DCDC1: variants seen among roughly 807,000 people sequenced by gnomAD.
DCDC1 encodes the protein doublecortin domain containing 1, also known as doublecortin domain-containing protein 1.
A neutral mutation model predicts 178.3 loss-of-function variants in DCDC1; 200 were observed. The ratio of observed to expected loss-of-function variants is 1.12; its 90% CI spans 1.00 to 1.26. The LOEUF (loss-of-function observed/expected upper bound fraction) is 1.26. DCDC1 is among the 50% of genes most tolerant of loss of function. The probability of loss-of-function intolerance (pLI) is 0.00; values close to 1 mark genes in which losing one functional copy is unlikely to be tolerated. For missense variants in DCDC1, 1,983 were observed against 1,749.2 expected, an observed-to-expected ratio of 1.13 and a Z score of -2.38; for synonymous variants, 690 against 604.8, an observed-to-expected ratio of 1.14 and a Z score of -2.07.
chr11:31,125,185 T>C (rs1431591922), intron 11 of DCDC1, among the ~76,000 whole-genome samples: 2 of 152,106 alleles, frequency 1.3e-5, no homozygotes, highest in Admixed American at 6.6e-5. Flanking sequence ...AAGCTTAACA[T>C]CACTGATCGT....
At chr11:30,896,272 T>A (rs1471522286) in intron 34 of DCDC1, among the ~76,000 whole-genome samples, 1 of 152,240 alleles carries the variant, frequency 6.6e-6, no homozygotes, top group Non-Finnish European at 1.5e-5. Context: ...CAGGGGATAG[T>A]AATTATAATA....
chr11:31,136,184 T>C (rs976616972), intron 10 of DCDC1, among the ~76,000 whole-genome samples: 1 of 152,086 alleles, frequency 6.6e-6, no homozygotes, highest in East Asian at 1.9e-4. Context: ...GAAAATGTAA[T>C]TAAATTCTCC....
chr11:30,993,325 A>T (rs1951087431), intron 20 of DCDC1, among the ~76,000 whole-genome samples: 1 of 152,114 alleles, frequency 6.6e-6, no homozygotes, highest in Non-Finnish European at 1.5e-5. Flanking sequence ...CCCGTGTTAT[A>T]GCACTACTTT....
intron 9 of DCDC1, among the ~76,000 whole-genome samples, chr11:31,207,569 A>T (rs2136488531): frequency 6.6e-6 from 1 of 152,298 alleles, no homozygotes; most frequent in Non-Finnish European, 1.5e-5. Flanking sequence ...ACATCGGATG[A>T]ACTGTCTATT....
intron 7 of DCDC1, among the ~76,000 whole-genome samples, chr11:31,274,194 C>T (rs1187276052): frequency 2.0e-5 from 3 of 152,148 alleles, no homozygotes; most frequent in Non-Finnish European, 2.9e-5. Context: ...AAGTTCTAGC[C>T]TTCTTTCTGC....
At position 30,922,612 on chromosome 11, in the gene DCDC1, C is replaced by G. The variant is rs761243647; in HGVS notation, c.3024G>C (p.Trp1008Cys). The G allele has an allele frequency of 1.0e-5, 16 of 1,563,728 alleles. No individual in the cohort carries two copies. The highest frequency in any genetic ancestry group is 4.8e-5 in the East Asian group (2 of 41,628). ...GAGCAATGGACAGGTCAGGATTGAT[C>G]CAGAGTTCTCCACATGAAACATACA... is the stretch of plus-strand genomic sequence containing the variant. ...ELVYVSCGEL[W>C]INPDLSIAQQ... Residue 1008 changes from tryptophan to cysteine, a missense_variant, in exon 24 of 39, where the codon TGG (tryptophan) becomes TGC (cysteine). By Grantham distance (215) the Trp-to-Cys change is radical. Coordinates refer to ENST00000684477, the MANE Select transcript of DCDC1 (RefSeq NM_001387274.1).
chr11:31,106,297 G>A (rs1437510692), intron 13 of DCDC1, among the ~76,000 whole-genome samples: 1 of 152,204 alleles, frequency 6.6e-6, no homozygotes, highest in African/African-American at 2.4e-5. Flanking sequence ...TGCTTAAAAG[G>A]TTAAGACTTT....
chr11:30,868,739 T>C (rs1180759533), intron 38 of DCDC1, among the ~76,000 whole-genome samples: 1 of 152,216 alleles, frequency 6.6e-6, no homozygotes, highest in African/African-American at 2.4e-5. Flanking sequence ...TCAGTCTGGG[T>C]CACCTCTATG....
At chr11:31,312,790 A>G (rs556909333) in intron 3 of DCDC1, 2 of 152,366 alleles carry the variant, frequency 1.3e-5, no homozygotes, top group African/African-American at 2.4e-5. Context: ...ACTAATCATG[A>G]GACTTCACAG....
At chr11:31,046,286 T>C (rs1954834739) in intron 20 of DCDC1, among the ~76,000 whole-genome samples, 1 of 152,134 alleles carries the variant, frequency 6.6e-6, no homozygotes, top group Non-Finnish European at 1.5e-5. Context: ...GTCTCAAGAG[T>C]TTATTCCTTC....
intron 20 of DCDC1, among the ~76,000 whole-genome samples, chr11:30,964,004 T>C (rs1949275400): frequency 1.3e-5 from 2 of 152,144 alleles, no homozygotes; most frequent in African/African-American, 4.8e-5. Flanking sequence ...TTTCATCCAC[T>C]TCTCCAAGTT....
intron 20 of DCDC1, among the ~76,000 whole-genome samples, chr11:31,014,844 C>T (rs1952387877): frequency 6.6e-6 from 1 of 152,152 alleles, no homozygotes; most frequent in Admixed American, 6.5e-5. Context: ...TTCTAATCAC[C>T]AATATCCCAA....
chr11:31,226,677 G>C (rs1975000812), intron 9 of DCDC1, among the ~76,000 whole-genome samples: 1 of 145,624 alleles, frequency 6.9e-6, no homozygotes, highest in South Asian at 2.1e-4. Flanking sequence ...TGAGAAGGAA[G>C]GAAGATCTCA....
chr11:30,944,457 G>A (rs1947868629), intron 21 of DCDC1: 1 of 362,128 alleles, frequency 2.8e-6, no homozygotes, highest in Non-Finnish European at 5.6e-6. Context: ...CAATATGAGT[G>A]TCACATTTCC....
intron 20 of DCDC1, among the ~76,000 whole-genome samples, chr11:30,972,905 T>C (rs992638414): frequency 6.6e-6 from 1 of 152,088 alleles, no homozygotes; most frequent in African/African-American, 2.4e-5. Context: ...AGGGGTAGTT[T>C]CTCATGGTTT....
At chr11:30,886,365 C>A (rs931584469) in intron 36 of DCDC1, among the ~76,000 whole-genome samples, 1 of 152,168 alleles carries the variant, frequency 6.6e-6, no homozygotes, top group Non-Finnish European at 1.5e-5. Context: ...TATTATTTTT[C>A]TAAATTCTCT....
intron 20 of DCDC1, among the ~76,000 whole-genome samples, chr11:31,013,335 A>G (rs1272520743): frequency 1.3e-5 from 2 of 152,178 alleles, no homozygotes; most frequent in East Asian, 3.8e-4. Context: ...TTTAATTTTA[A>G]GAAATTTTTA....
At chr11:30,938,248 C>A (rs946891014) in intron 21 of DCDC1, among the ~76,000 whole-genome samples, 1 of 151,828 alleles carries the variant, frequency 6.6e-6, no homozygotes, top group African/African-American at 2.4e-5. Flanking sequence ...CTCCTGTTTC[C>A]TTTCTCCCTA....
intron 9 of DCDC1, among the ~76,000 whole-genome samples, chr11:31,171,264 C>T (rs1273622269): frequency 6.6e-6 from 1 of 151,960 alleles, no homozygotes; most frequent in Non-Finnish European, 1.5e-5. Context: ...CAAGTGTTTT[C>T]AATTTTTCTG....
Sources: allele counts gnomAD v4.1 joint callset (sites outside exome capture counted in the v4.1 genomes callset), GRCh38; gene constraint gnomAD v4.1.1; transcripts MANE v1.5; gene names NCBI Gene and HGNC (gene_info 2026-07-23, HGNC 2026-07-21).